The following CNTN6 variants were observed in gnomAD, a reference collection of about 807,000 sequenced individuals.
CNTN6 encodes contactin 6.
CNTN6 carries 137 observed loss-of-function variants against 122.8 expected under a neutral mutation model. The observed-to-expected ratio is 1.12, with a 90% confidence interval of 0.97 to 1.29. The LOEUF is 1.29. Ranked by LOEUF, CNTN6 falls within the 50% of genes most tolerant of loss-of-function variation. The pLI is 0.00. For missense variants in CNTN6, 1,634 were observed against 1,223.4 expected, an observed-to-expected ratio of 1.34 and a Z score of -5.01; for synonymous variants, 570 against 426.0, an observed-to-expected ratio of 1.34 and a Z score of -4.16.
intron 12 of CNTN6, among the ~76,000 whole-genome samples, chr3:1,371,634 T>C (rs1157514325): frequency 3.3e-5 from 5 of 152,110 alleles, no homozygotes; most frequent in African/African-American, 1.2e-4. Context: ...TTTTGGTCAA[T>C]GAAATGCTAG....
chr3:1,133,846 A>G (rs2092402256), intron 1 of CNTN6, among the ~76,000 whole-genome samples: 3 of 152,198 alleles, frequency 2.0e-5, no homozygotes, highest in African/African-American at 7.2e-5. Flanking sequence ...CCTTCCTCGG[A>G]TCCTCTAAGT....
chr3:1,351,043 T>C (rs771751247), intron 11 of CNTN6, among the ~76,000 whole-genome samples: 1 of 151,850 alleles, frequency 6.6e-6, no homozygotes, highest in Non-Finnish European at 1.5e-5. Flanking sequence ...TACTCTAAGA[T>C]AATGACTTTA....
At chr3:1,119,199 T>A (rs191795744) in intron 1 of CNTN6, among the ~76,000 whole-genome samples, 3 of 151,980 alleles carry the variant, frequency 2.0e-5, no homozygotes, top group Non-Finnish European at 4.4e-5. Context: ...CAGGTTTTTT[T>A]TTTTTAAGTT....
chr3:1,205,013 G>A (rs76462000), intron 2 of CNTN6, among the ~76,000 whole-genome samples: 2,026 of 152,242 alleles, frequency 0.013, 45 homozygotes, highest in African/African-American at 0.047. Flanking sequence ...ATTAGCTGGG[G>A]AGGCCTTTGA....
At chr3:1,126,918 A>G (rs1032934944) in intron 1 of CNTN6, among the ~76,000 whole-genome samples, 24 of 151,996 alleles carry the variant, frequency 1.6e-4, no homozygotes, top group Middle Eastern at 3.4e-3. Flanking sequence ...TTATCTCCTA[A>G]TATTCTGAAG....
At chr3:1,139,667 G>T (rs781684812) in intron 1 of CNTN6, among the ~76,000 whole-genome samples, 5 of 152,102 alleles carry the variant, frequency 3.3e-5, no homozygotes, top group African/African-American at 4.8e-5. Context: ...CCCTGATTCT[G>T]GGGCAAACCC....
Position 1,116,889 on chromosome 3 carries a change from G to C in CNTN6, c.-83+23769G>C, listed in dbSNP as rs2091743682. 2.0e-5 allele frequency among the ~76,000 whole-genome samples: 3 copies of C among 151,996 alleles called. No homozygotes were observed. The South Asian group carries it at 6.2e-4, about 32-fold the overall frequency. On this transcript the variant is annotated intron_variant, in intron 1 of 22. Transcript: ENST00000446702. ...ATGGCTAATTTTTGTATTTTTAGTA[G>C]AGACAAGGTTTCGCCATGTTGGCTG...
At chr3:1,283,080 C>T (rs757426295) in intron 5 of CNTN6, among the ~76,000 whole-genome samples, 1 of 152,074 alleles carries the variant, frequency 6.6e-6, no homozygotes, top group Non-Finnish European at 1.5e-5. Context: ...TCAAGCGATT[C>T]TCCTGCCTCA....
At chr3:1,098,789 CATATATATATATATAT>C (rs1169127167) in intron 1 of CNTN6, among the ~76,000 whole-genome samples, 1 of 63,260 alleles carries the variant, frequency 1.6e-5, no homozygotes, top group East Asian at 6.5e-4. Flanking sequence ...CACACACACA[CATATATATATATATAT>C]ATATATATAT....
At chr3:1,294,626 T>C (rs1366567857) in intron 5 of CNTN6, among the ~76,000 whole-genome samples, 1 of 152,188 alleles carries the variant, frequency 6.6e-6, no homozygotes, top group Middle Eastern at 3.2e-3. Context: ...CTGATTGATG[T>C]TCAGTAAAAA....
intron 19 of CNTN6, 50 bp from the exon 20 acceptor site, chr3:1,385,561 G>C (rs1692751826): frequency 7.0e-7 from 1 of 1,427,892 alleles, no homozygotes; most frequent in African/African-American, 1.4e-5. Context: ...AAAAATGATT[G>C]ATAGTTATTG....
intron 20 of CNTN6, 67 bp from the exon 21 acceptor site, chr3:1,401,366 T>G (rs553251085): frequency 8.0e-7 from 1 of 1,244,082 alleles, no homozygotes; most frequent in East Asian, 2.4e-5. Context: ...TCTTTTCATG[T>G]TGATGCATCA....
At chr3:1,367,526 G>C (rs1708408404) in intron 12 of CNTN6, among the ~76,000 whole-genome samples, 1 of 151,424 alleles carries the variant, frequency 6.6e-6, no homozygotes, top group Non-Finnish European at 1.5e-5. Context: ...TTTGTGTTTT[G>C]TACATACTAA....
At chr3:1,108,008 G>A (rs189011707) in intron 1 of CNTN6, among the ~76,000 whole-genome samples, 62 of 152,042 alleles carry the variant, frequency 4.1e-4, no homozygotes, top group Admixed American at 1.2e-3. Context: ...TAAGGCTCTG[G>A]GTGTTAATGT....
intron 4 of CNTN6, among the ~76,000 whole-genome samples, chr3:1,245,628 C>T (rs190668436): frequency 1.0e-3 from 153 of 148,792 alleles, no homozygotes; most frequent in Middle Eastern, 3.4e-3. Context: ...CAGAAATCAC[C>T]ACTAAAAAGC....
chr3:1,255,463 T>C (rs1400830788), intron 4 of CNTN6, among the ~76,000 whole-genome samples: 2 of 150,932 alleles, frequency 1.3e-5, no homozygotes, highest in African/African-American at 4.9e-5. Flanking sequence ...TTGTGGAGCC[T>C]ATTGAGGAAA....
At chr3:1,384,368 T>C (rs1692423594) in intron 19 of CNTN6, among the ~76,000 whole-genome samples, 1 of 144,098 alleles carries the variant, frequency 6.9e-6, no homozygotes, top group Non-Finnish European at 1.5e-5. Flanking sequence ...AGAAACCTGC[T>C]TTGTGAATTG....
intron 12 of CNTN6, among the ~76,000 whole-genome samples, chr3:1,358,174 T>C (rs1706888755): frequency 6.6e-6 from 1 of 151,818 alleles, no homozygotes; most frequent in Non-Finnish European, 1.5e-5. Context: ...TTTATTAAAA[T>C]AAAAAAACAC....
At chr3:1,121,926 G>A (rs1412792335) in intron 1 of CNTN6, among the ~76,000 whole-genome samples, 1 of 151,840 alleles carries the variant, frequency 6.6e-6, no homozygotes, top group Non-Finnish European at 1.5e-5. Context: ...GAATAAAGAA[G>A]CTAGATTTTT....
Sources: allele counts gnomAD v4.1 joint callset (sites outside exome capture counted in the v4.1 genomes callset), GRCh38; gene constraint gnomAD v4.1.1; transcripts MANE v1.5; gene names NCBI Gene and HGNC (gene_info 2026-07-23, HGNC 2026-07-21).